Variants in KDM1A observed in about 807,000 individuals in gnomAD.
The protein encoded by KDM1A is lysine demethylase 1A.
Under a neutral mutation model 109.4 loss-of-function variants are expected in KDM1A, and 49 were observed. The observed-to-expected ratio is 0.45, with a 90% CI of 0.36 to 0.57. The LOEUF (loss-of-function observed/expected upper bound fraction) is 0.57. Among genes scored for constraint, KDM1A ranks in the 20% least tolerant of loss-of-function variants. The pLI is 0.00. For synonymous variants in KDM1A, 380 were observed against 415.4 expected, an observed-to-expected ratio of 0.91 and a Z score of 1.04; for missense variants, 668 against 1,116.6, an observed-to-expected ratio of 0.60 and a Z score of 5.73.
intron 4 of KDM1A, 69 bp downstream of exon 4, chr1:23,050,589 G>A (rs1642638462): frequency 2.4e-6 from 3 of 1,263,680 alleles, no homozygotes; most frequent in Non-Finnish European, 3.2e-6. Flanking sequence ...GAGAATATGG[G>A]AAAAATAAAA....
In KDM1A at chr1:23,053,834, A is replaced by T. The variant is rs779979948; in HGVS notation, c.785A>T (p.Tyr262Phe). Reference protein sequence around the residue: ...EATLQQLEAPYNSDTVLVHRV... With the variant: ...EATLQQLEAPFNSDTVLVHRV... ...ACTCTCCAACAATTAGAAGCACCTT[A>T]TAACAGTAAGTAGTGTGTTCAATAG... Residue 262 changes from tyrosine (Y) to phenylalanine (F), a missense_variant, in exon 5 of 21, where the codon TAT (tyrosine) becomes TTT (phenylalanine). By Grantham distance (22) the Tyr-to-Phe change is conservative. Transcript: ENST00000400181. The T allele has an allele frequency of 1.3e-6, 2 of 1,577,584 alleles. No individual in the cohort carries two copies. Among genetic ancestry groups the T allele is most frequent in the South Asian group, 2.2e-5 (2 of 90,334 alleles).
chr1:23,023,312 C>G (rs1296089105), intron 1 of KDM1A, among the ~76,000 whole-genome samples: 4 of 152,094 alleles, frequency 2.6e-5, no homozygotes, highest in Non-Finnish European at 5.9e-5. Flanking sequence ...AGGATTTACT[C>G]CTATGTTTTC....
chr1:23,029,474 A>G, intron 1 of KDM1A, among the ~76,000 whole-genome samples: 1 of 152,124 alleles, frequency 6.6e-6, no homozygotes, highest in East Asian at 1.9e-4. Flanking sequence ...CCAATCCATA[A>G]TAATCTTCCC....
chr1:23,054,085 G>T (rs1569737857), intron 5 of KDM1A, among the ~76,000 whole-genome samples: 2 of 152,254 alleles, frequency 1.3e-5, no homozygotes, highest in South Asian at 4.1e-4. Context: ...TAGACCTGTT[G>T]TCCAGCTTTG....
At chr1:23,023,677 G>A (rs1641709553) in intron 1 of KDM1A, among the ~76,000 whole-genome samples, 1 of 152,172 alleles carries the variant, frequency 6.6e-6, no homozygotes, top group Admixed American at 6.5e-5. Flanking sequence ...TGTTCTGAAT[G>A]CTTTGCATTT....
At position 23,055,958 on chromosome 1, in the gene KDM1A, A is replaced by G; in HGVS notation, c.910A>G (p.Ile304Val). 6.2e-7 allele frequency: 1 copy of G among 1,612,154 alleles called. No homozygotes were observed. ...TAAAAAGACAGGAAAGGTAATTATT[A>G]TAGGCTCTGGGGTCTCAGGCTTGGC... The part of the protein sequence containing the change: ...PTKKTGKVII[I>V]GSGVSGLAAA... The change falls in exon 7 of 21, where the codon ATA (isoleucine) becomes GTA (valine). Residue 304 changes from isoleucine to valine, a missense_variant. By Grantham distance (29) the Ile-to-Val change is conservative (BLOSUM62 3). Coordinates refer to ENST00000400181, the MANE Select transcript of KDM1A (RefSeq NM_001009999.3).
At chr1:23,077,535 ATTTTATAAACTGGGAAATCGAAGCAAG>A (rs1643501254) in intron 16 of KDM1A, among the ~76,000 whole-genome samples, 175 bp downstream of exon 16, 2 of 152,324 alleles carry the variant, frequency 1.3e-5, no homozygotes, top group South Asian at 4.1e-4. Context: ...TAACCCTATC[ATTTTATAAACTGGGAAATCGAAGCAAG>A]TTTTAGAGTT....
intron 2 of KDM1A, among the ~76,000 whole-genome samples, chr1:23,042,440 A>ATTATTATAATTTTTTT (rs1553127465): frequency 9.3e-5 from 2 of 21,560 alleles, no homozygotes; most frequent in Non-Finnish European, 9.0e-5. Context: ...GAAATATATT[A>ATTATTATAATTTTTTT]TTTTTTTTTT....
At chr1:23,053,685 T>C in intron 4 of KDM1A, 76 bp from the exon 5 acceptor site, 1 of 1,021,488 alleles carries the variant, frequency 9.8e-7, no homozygotes, top group Non-Finnish European at 1.5e-6. Context: ...TGCAGCCAGC[T>C]AAAAGATGAT....
chr1:23,058,229 T>C (rs1642893703), intron 8 of KDM1A, among the ~76,000 whole-genome samples: 1 of 152,054 alleles, frequency 6.6e-6, no homozygotes, highest in Non-Finnish European at 1.5e-5. Context: ...TCTCACTATA[T>C]TGCCAGGCTG....
intron 7 of KDM1A, 112 bp downstream of exon 7, chr1:23,056,150 A>G: frequency 4.2e-6 from 3 of 707,844 alleles, no homozygotes; most frequent in African/African-American, 1.8e-5. Context: ...ATTGATTTGT[A>G]TAATACTCAG....
At chr1:23,035,330 G>A (rs1642111951) in intron 2 of KDM1A, among the ~76,000 whole-genome samples, 1 of 152,154 alleles carries the variant, frequency 6.6e-6, no homozygotes, top group Non-Finnish European at 1.5e-5. Context: ...AGTCTCTCAA[G>A]TAGCTGGGAT....
chr1:23,083,129 A>G, intron 20 of KDM1A, 50 bp from the exon 21 acceptor site: 6 of 1,534,900 alleles, frequency 3.9e-6, no homozygotes, highest in Non-Finnish European at 5.4e-6. Context: ...AAGTACAAGA[A>G]TAAAGGTATA....
In KDM1A at chr1:23,083,279, T is replaced by C; in HGVS notation, c.2546T>C (p.Ile849Thr). The stretch of plus-strand genomic sequence containing the variant: ...AGTGGGCTGCGAGAAGCGGGAAGAA[T>C]TGCAGACCAGTTTTTGGGGGCCATG... ...LLSGLREAGRIADQFLGAMYT... is the reference protein window; with the variant it reads ...LLSGLREAGRTADQFLGAMYT... The change falls in exon 21 of 21, where the codon ATT becomes ACT. Residue 849 changes from isoleucine to threonine, a missense_variant. Physicochemically the swap from Ile to Thr is moderately conservative, Grantham distance 89. Transcript: ENST00000400181. 1 of 1,613,916 alleles carries C rather than the reference T, an allele frequency of 6.2e-7. No individual in the cohort carries two copies. The highest frequency in any genetic ancestry group is 1.7e-5 in the Admixed American group (1 of 59,986).
At chr1:23,080,687 T>C (rs1383552012) in intron 18 of KDM1A, among the ~76,000 whole-genome samples, 1 of 152,186 alleles carries the variant, frequency 6.6e-6, no homozygotes, top group Non-Finnish European at 1.5e-5. Context: ...TACTGTGGTC[T>C]AGGCCTGGGG....
intron 2 of KDM1A, among the ~76,000 whole-genome samples, chr1:23,043,474 G>T (rs902784847): frequency 1.3e-5 from 2 of 152,060 alleles, no homozygotes; most frequent in Admixed American, 6.5e-5. Flanking sequence ...TCTTATTGGG[G>T]TACGTATTTT....
At chr1:23,044,685 G>A (rs1391259167) in intron 3 of KDM1A, among the ~76,000 whole-genome samples, 199 bp downstream of exon 3, 4 of 152,158 alleles carry the variant, frequency 2.6e-5, no homozygotes, top group South Asian at 2.1e-4. Flanking sequence ...TCCTCAGGCC[G>A]ATCTCAGCCC....
In KDM1A at chr1:23,059,067, T is replaced by C. The variant is rs776776428; in HGVS notation, c.1073-6T>C. The C allele has an allele frequency of 6.3e-7, 1 of 1,595,612 alleles. No homozygotes were observed. The highest frequency in any genetic ancestry group is 1.8e-5 in the Admixed American group (1 of 55,100). On this transcript the variant is annotated splice_region_variant and splice_polypyrimidine_tract_variant and intron_variant, in intron 8 of 20. Transcript: ENST00000400181. The stretch of plus-strand genomic sequence containing the variant: ...ATTGAATTTAATTGCTTGAGTTTTT[T>C]TCTAGGAGGGAATCCTATGGCTGTG...
Position 23,019,961 on chromosome 1 carries a change from C to A in KDM1A, c.351+14C>A. 2 of 1,515,846 alleles carry A rather than the reference C, an allele frequency of 1.3e-6. No individual in the cohort carries two copies. The highest frequency in any genetic ancestry group is 1.3e-5 in the South Asian group (1 of 79,144). 93.9% of individuals were successfully genotyped at this position (1,515,846 alleles called of 1,614,324 possible). A position where few individuals can be genotyped will look rare whatever the true frequency, so the allele number is the denominator to read the frequency against. ...AAGCGGGCGAAGGTAAGGCTCGACC[C>A]TTCCCTCAAACGACACCGCCTGGTG... On this transcript the variant is annotated intron_variant, in intron 1 of 20. Transcript: ENST00000400181.
Sources: allele counts gnomAD v4.1 joint callset (sites outside exome capture counted in the v4.1 genomes callset), GRCh38; gene constraint gnomAD v4.1.1; transcripts MANE v1.5; gene names NCBI Gene and HGNC (gene_info 2026-07-23, HGNC 2026-07-21).